Variants in EEF1AKMT1 observed in about 807,000 individuals in gnomAD.
The protein encoded by EEF1AKMT1 is EEF1A lysine methyltransferase 1, also known as N-6 adenine-specific DNA methyltransferase 2 (putative).
EEF1AKMT1 carries 18 observed loss-of-function variants against 21.0 expected under a neutral mutation model. The ratio of observed to expected loss-of-function variants is 0.86; its 90% CI spans 0.59 to 1.27. The LOEUF (loss-of-function observed/expected upper bound fraction) is 1.27, where lower values mean the gene tolerates loss of function less well. Ranked by LOEUF, EEF1AKMT1 falls within the 50% of genes most tolerant of loss-of-function variation. The pLI, the probability that EEF1AKMT1 is intolerant of heterozygous loss-of-function variation, is 0.00. For synonymous variants in EEF1AKMT1, 109 were observed against 94.8 expected (o/e 1.15, Z -0.87); for missense variants, 246 against 258.6 (o/e 0.95, Z 0.33).
intron 1 of EEF1AKMT1, among the ~76,000 whole-genome samples, chr13:20,764,006 T>G (rs755065549): frequency 6.6e-6 from 1 of 152,124 alleles, no homozygotes; most frequent in Non-Finnish European, 1.5e-5. Context: ...TGTTTTCTCT[T>G]TTTTCTTACT....
chr13:20,756,841 T>C (rs2058974462), intron 2 of EEF1AKMT1, among the ~76,000 whole-genome samples: 1 of 152,198 alleles, frequency 6.6e-6, no homozygotes, highest in African/African-American at 2.4e-5. Flanking sequence ...CCTTTACCTT[T>C]TTTGCATACT....
chr13:20,759,608 CAA>C (rs150431189), intron 1 of EEF1AKMT1, among the ~76,000 whole-genome samples: 13,997 of 129,104 alleles, frequency 0.11, 798 homozygotes, highest in Non-Finnish European at 0.15. Flanking sequence ...AAAAACGAAA[CAA>C]AAAAAAAAAG....
intron 2 of EEF1AKMT1, among the ~76,000 whole-genome samples, chr13:20,743,224 G>A (rs948735237): frequency 6.6e-6 from 1 of 151,878 alleles, no homozygotes; most frequent in Non-Finnish European, 1.5e-5. Context: ...CCATTACTGG[G>A]CCTGGCTAAT....
chr13:20,761,235 C>T (rs1566537762), intron 1 of EEF1AKMT1, among the ~76,000 whole-genome samples: 1 of 152,192 alleles, frequency 6.6e-6, no homozygotes, highest in Non-Finnish European at 1.5e-5. Flanking sequence ...TAAAGTCATT[C>T]CCATCCTCTC....
chr13:20,751,281 TG>T (rs2058938780), intron 2 of EEF1AKMT1, among the ~76,000 whole-genome samples: 1 of 152,196 alleles, frequency 6.6e-6, no homozygotes, highest in Non-Finnish European at 1.5e-5. Context: ...CTTATGTTTT[TG>T]TCTAGAAGTT....
Position 20,737,775 on chromosome 13 carries a change from T to C in EEF1AKMT1, c.175A>G (p.Thr59Ala). Residue 59 changes from threonine (T) to alanine (A), a missense_variant, in exon 3 of 5, where the codon ACT (threonine) becomes GCT (alanine). Thr to Ala is a moderately conservative substitution (Grantham distance 58, BLOSUM62 0). Coordinates refer to ENST00000382758, the MANE Select transcript of EEF1AKMT1 (RefSeq NM_001318939.2). ...QLSQFWYSQE[T>A]ALQLAQEAIA... The stretch of plus-strand genomic sequence containing the variant: ...GCCTCCTGTGCCAGCTGCAGAGCAG[T>C]TTCCTGACTATACCAAAACTGGCTC... 6.2e-7 allele frequency: 1 copy of C among 1,613,022 alleles called. No individual in the cohort carries two copies. The highest frequency in any genetic ancestry group is 8.5e-7 in the Non-Finnish European group (1 of 1,179,510).
intron 2 of EEF1AKMT1, among the ~76,000 whole-genome samples, chr13:20,738,690 G>C (rs922629580): frequency 4.6e-5 from 7 of 152,256 alleles, no homozygotes; most frequent in African/African-American, 1.4e-4. Context: ...ACATGGATGA[G>C]TCTTGGAAAC....
chr13:20,739,161 A>C (rs190790657), intron 2 of EEF1AKMT1, among the ~76,000 whole-genome samples: 14 of 151,682 alleles, frequency 9.2e-5, no homozygotes, highest in Admixed American at 3.9e-4. Context: ...AGTTCCTCCC[A>C]TCCGAAGTTG....
At chr13:20,764,804 CCTG>C (rs1437272858) in intron 1 of EEF1AKMT1, among the ~76,000 whole-genome samples, 1 of 150,694 alleles carries the variant, frequency 6.6e-6, no homozygotes, top group African/African-American at 2.4e-5. Context: ...GTCTACTTTA[CCTG>C]CTATCAATAA....
In EEF1AKMT1 at chr13:20,732,153, T is replaced by A. The variant is rs370764380; in HGVS notation, c.228-32A>T. ...GACAAAATGAACACACCATGAAACATCCTTAACAGAGAGATTACGGTGTTA... is the reference window on the plus strand; with the variant it reads ...GACAAAATGAACACACCATGAAACAACCTTAACAGAGAGATTACGGTGTTA... On this transcript the variant is annotated intron_variant, in intron 3 of 4. Coordinates refer to ENST00000382758, the MANE Select transcript of EEF1AKMT1 (RefSeq NM_001318939.2). The A allele has an allele frequency of 1.2e-5, 19 of 1,574,244 alleles. No individual in the cohort carries two copies. The African/African-American group carries it at 1.8e-4, about 15-fold the overall frequency.
chr13:20,740,003 C>T (rs1462948915), intron 2 of EEF1AKMT1, among the ~76,000 whole-genome samples: 1 of 152,238 alleles, frequency 6.6e-6, no homozygotes, highest in Admixed American at 6.5e-5. Context: ...CAGGGAGGCT[C>T]AGGCTGCGCG....
At chr13:20,746,657 A>G (rs1026889517) in intron 2 of EEF1AKMT1, among the ~76,000 whole-genome samples, 1 of 151,960 alleles carries the variant, frequency 6.6e-6, no homozygotes, top group Non-Finnish European at 1.5e-5. Context: ...CTTCTTCCTC[A>G]CTCCAACACC....
Position 20,732,058 on chromosome 13 carries a change from A to G in EEF1AKMT1, c.291T>C (p.Phe97=), listed in dbSNP as rs934558142. The G allele has an allele frequency of 2.2e-5, 35 of 1,614,106 alleles. No homozygotes were observed. Among genetic ancestry groups the G allele is most frequent in the Non-Finnish European group, 2.5e-5 (30 of 1,180,058 alleles). Residue 97 remains phenylalanine, a synonymous_variant, in exon 4 of 5, where the codon TTT becomes TTC. Transcript: ENST00000382758. Reference sequence around the variant, plus strand: ...TGTCATATTCAAAGATGTATATCGAAAAGTTTTCTCTGCACAGCTCTCTGA... The same window carrying G: ...TGTCATATTCAAAGATGTATATCGAGAAGTTTTCTCTGCACAGCTCTCTGA... The part of the protein sequence containing the change: ...QKLRELCREN[F]SIYIFEYDKR...
At chr13:20,761,572 G>A (rs1039358977) in intron 1 of EEF1AKMT1, among the ~76,000 whole-genome samples, 32 of 152,148 alleles carry the variant, frequency 2.1e-4, no homozygotes, top group Admixed American at 3.3e-4. Flanking sequence ...CTGGATAAAT[G>A]CTCAAGAGTA....
intron 2 of EEF1AKMT1, chr13:20,757,197 T>C (rs1381575433): frequency 3.1e-6 from 1 of 321,026 alleles, no homozygotes; most frequent in African/African-American, 2.1e-5. Context: ...CATTATCTCC[T>C]TATCTGAAAA....
chr13:20,768,991 A>C (rs987764302), intron 1 of EEF1AKMT1: 1 of 151,970 alleles, frequency 6.6e-6, no homozygotes, highest in African/African-American at 2.4e-5. Flanking sequence ...CAGAGAGAGG[A>C]CCTGAGACTA....
At chr13:20,768,200 T>C (rs2059046091) in intron 1 of EEF1AKMT1, among the ~76,000 whole-genome samples, 1 of 152,262 alleles carries the variant, frequency 6.6e-6, no homozygotes, top group Non-Finnish European at 1.5e-5. Context: ...TTGTGGATTT[T>C]AACTTGTATC....
Position 20,732,024 on chromosome 13 carries a change from CA to C in EEF1AKMT1, c.324del (p.Phe108LeufsTer31). 6.2e-7 allele frequency: 1 copy of C among 1,614,196 alleles called. No homozygotes were observed. Among genetic ancestry groups the C allele is most frequent in the South Asian group, 1.1e-5 (1 of 91,076 alleles). ...SIYIFEYDKR[F>X]AMYGEEFIFY... is the part of the protein sequence containing the mutation. ...AAAATAAACTCCTCTCCATACATGG[CA>C]AATCTTTTGTCATATTCAAAGATGT... On this transcript the variant is annotated frameshift_variant, in exon 4 of 5. Coordinates refer to ENST00000382758, the MANE Select transcript of EEF1AKMT1 (RefSeq NM_001318939.2).
intron 1 of EEF1AKMT1, among the ~76,000 whole-genome samples, chr13:20,760,993 T>A (rs2058998757): frequency 6.6e-6 from 1 of 152,194 alleles, no homozygotes; most frequent in African/African-American, 2.4e-5. Flanking sequence ...CTTCCACCTA[T>A]TTTTCCACAA....
Sources: gnomAD v4.1 joint callset for allele counts (sites outside exome capture counted in the v4.1 genomes callset) on GRCh38, gnomAD v4.1.1 for gene constraint, MANE v1.5 for transcripts, NCBI Gene and HGNC (gene_info 2026-07-23, HGNC 2026-07-21) for gene names.